The following PPP1R21 variants were observed in gnomAD, a reference collection of about 807,000 sequenced individuals.
The protein encoded by PPP1R21 is KLRAQ motif containing 1.
In PPP1R21, 85 loss-of-function variants were observed where a neutral mutation model predicts 112.8. The observed-to-expected ratio is 0.75, with a 90% confidence interval of 0.63 to 0.90. The LOEUF (loss-of-function observed/expected upper bound fraction) is 0.90, where lower values mean the gene tolerates loss of function less well. PPP1R21 is among the 40% of genes least tolerant of loss of function. PPP1R21 has a pLI of 0.00. For synonymous variants in PPP1R21, 381 were observed against 322.3 expected, an observed-to-expected ratio of 1.18 and a Z score of -1.95; for missense variants, 1,199 against 901.5, an observed-to-expected ratio of 1.33 and a Z score of -4.23.
At chr2:48,502,704 G>T (rs1346156384) in intron 17 of PPP1R21, among the ~76,000 whole-genome samples, 6 of 126,544 alleles carry the variant, frequency 4.7e-5, no homozygotes, top group Non-Finnish European at 9.7e-5. Context: ...TTTTTGAGAC[G>T]GAGTCTCGCT....
intron 2 of PPP1R21, among the ~76,000 whole-genome samples, chr2:48,454,113 T>G (rs1667603041): frequency 6.6e-6 from 1 of 151,976 alleles, no homozygotes; most frequent in Admixed American, 6.6e-5. Context: ...ACAAAAAAAT[T>G]AGCCGAGTAT....
At chr2:48,508,741 T>A (rs1670501854) in intron 19 of PPP1R21, among the ~76,000 whole-genome samples, 1 of 152,200 alleles carries the variant, frequency 6.6e-6, no homozygotes, top group African/African-American at 2.4e-5. Context: ...AGAATAGATG[T>A]TTGGTTAATA....
Position 48,459,867 on chromosome 2 carries a change from G to A in PPP1R21, c.489G>A (p.Arg163=). 6.2e-7 allele frequency: 1 copy of A among 1,614,192 alleles called. No homozygotes were observed. Residue 163 remains arginine, a synonymous_variant, in exon 5 of 22, where the codon CGG becomes CGA. Transcript: ENST00000294952. ...AAGCTGTGGTTGACGGTCTCACCCG[G>A]AAGTACATGGAAACCATTGAGAAGC... The part of the protein sequence containing the change: ...QHQAVVDGLT[R]KYMETIEKLQ...
chr2:48,454,417 A>C, intron 2 of PPP1R21, 178 bp from the exon 3 acceptor site: 1 of 680,988 alleles, frequency 1.5e-6, no homozygotes, highest in Admixed American at 3.0e-5. Flanking sequence ...GTTTAGCCAA[A>C]AGATTATCTT....
chr2:48,483,890 AT>A (rs1255582554), intron 13 of PPP1R21, among the ~76,000 whole-genome samples: 1 of 151,204 alleles, frequency 6.6e-6, no homozygotes, highest in Non-Finnish European at 1.5e-5. Flanking sequence ...GTCCTTCTAT[AT>A]TTCCCAGGCT....
chr2:48,490,302 A>G (rs1669505440), intron 14 of PPP1R21, among the ~76,000 whole-genome samples: 1 of 151,996 alleles, frequency 6.6e-6, no homozygotes, highest in African/African-American at 2.4e-5. Context: ...GTATTTAATG[A>G]TCCAGATGAT....
chr2:48,471,036 T>G, intron 9 of PPP1R21, 51 bp from the exon 10 acceptor site: 1 of 1,232,950 alleles, frequency 8.1e-7, no homozygotes, highest in Non-Finnish European at 1.2e-6. Context: ...AATGTGTTGA[T>G]GTTTGTTATT....
chr2:48,506,674 G>A (rs1352458311), intron 18 of PPP1R21, among the ~76,000 whole-genome samples: 4 of 152,026 alleles, frequency 2.6e-5, no homozygotes, highest in South Asian at 2.1e-4. Flanking sequence ...GGGTGGGCGC[G>A]GTGGCTCACG....
chr2:48,477,184 C>T (rs1465188909), intron 12 of PPP1R21, among the ~76,000 whole-genome samples: 2 of 145,742 alleles, frequency 1.4e-5, no homozygotes, highest in Non-Finnish European at 3.0e-5. Flanking sequence ...TGCAGTGTCA[C>T]ACTCTCAGCT....
chr2:48,507,486 G>T (rs1670436117), intron 19 of PPP1R21, 101 bp downstream of exon 19: 1 of 1,505,890 alleles, frequency 6.6e-7, no homozygotes, highest in Non-Finnish European at 8.7e-7. Context: ...AGAGAAGTCA[G>T]TGTCCCAAGT....
chr2:48,469,462 T>TAGAG (rs1160242547), intron 9 of PPP1R21, among the ~76,000 whole-genome samples: 3 of 35,382 alleles, frequency 8.5e-5, no homozygotes, highest in African/African-American at 1.8e-4. Context: ...CATATATATA[T>TAGAG]ATAGAGCATA....
intron 1 of PPP1R21, chr2:48,441,268 G>A (rs899037072): frequency 3.6e-6 from 2 of 550,922 alleles, no homozygotes; most frequent in Non-Finnish European, 6.6e-6. Context: ...TGAAGTAGCG[G>A]GCTTGGGACT....
At chr2:48,464,450 A>G (rs1053763614) in intron 7 of PPP1R21, among the ~76,000 whole-genome samples, 4 of 152,130 alleles carry the variant, frequency 2.6e-5, no homozygotes, top group Non-Finnish European at 4.4e-5. Context: ...AGAGAGGAAG[A>G]CTGAGAAAGA....
chr2:48,464,586 T>G (rs942964729), intron 7 of PPP1R21, among the ~76,000 whole-genome samples: 2 of 152,270 alleles, frequency 1.3e-5, no homozygotes, highest in African/African-American at 4.8e-5. Context: ...GCGTGGCGGC[T>G]TTGTGGAGGG....
At chr2:48,491,337 A>G (rs780206150) in intron 15 of PPP1R21, among the ~76,000 whole-genome samples, 167 bp downstream of exon 15, 1 of 152,046 alleles carries the variant, frequency 6.6e-6, no homozygotes, top group Non-Finnish European at 1.5e-5. Flanking sequence ...AGGTGACAGG[A>G]CCCAGACTTT....
chr2:48,511,472 T>TGTGAG lies in PPP1R21; in HGVS notation c.2313+17_2313+21dup, dbSNP rs1272026696. On this transcript the variant is annotated splice_donor_region_variant and intron_variant, in intron 21 of 21. Coordinates refer to ENST00000294952, the MANE Select transcript of PPP1R21 (RefSeq NM_001135629.3). ...CACACTAAAGATGTCCAGTAAGGTA[T>TGTGAG]GTGAGGTGAGGTGAGGTAGTCTCTC... is the stretch of plus-strand genomic sequence containing the variant. 3 of 1,611,822 alleles carry TGTGAG rather than the reference T, an allele frequency of 1.9e-6. No individual in the cohort carries two copies. The highest frequency in any genetic ancestry group is 2.5e-6 in the Non-Finnish European group (3 of 1,179,420).
At chr2:48,495,238 C>G (rs767378144) in intron 15 of PPP1R21, among the ~76,000 whole-genome samples, 12 of 151,952 alleles carry the variant, frequency 7.9e-5, no homozygotes, top group Non-Finnish European at 1.6e-4. Flanking sequence ...GAGTCTCGCT[C>G]TGTTGTCCAG....
intron 7 of PPP1R21, among the ~76,000 whole-genome samples, chr2:48,462,759 A>G (rs1008123094): frequency 3.3e-5 from 5 of 152,164 alleles, no homozygotes; most frequent in African/African-American, 1.2e-4. Flanking sequence ...AGGGAACATC[A>G]TGTTGCTATA....
At chr2:48,482,241 A>G (rs1013982880) in intron 13 of PPP1R21, among the ~76,000 whole-genome samples, 2 of 152,240 alleles carry the variant, frequency 1.3e-5, no homozygotes, top group African/African-American at 4.8e-5. Flanking sequence ...AAAGAGGAGT[A>G]TATGTAAAGT....
Sources: gnomAD v4.1 joint callset for allele counts (sites outside exome capture counted in the v4.1 genomes callset) on GRCh38, gnomAD v4.1.1 for gene constraint, MANE v1.5 for transcripts, NCBI Gene and HGNC (gene_info 2026-07-23, HGNC 2026-07-21) for gene names.